NDUFA10: variants seen among roughly 807,000 people sequenced by gnomAD.
The protein encoded by NDUFA10 is NADH dehydrogenase [ubiquinone] 1 alpha subcomplex subunit 10, mitochondrial.
Under a neutral mutation model 47.8 loss-of-function variants are expected in NDUFA10, and 40 were observed. The observed-to-expected ratio is 0.84, with a 90% CI of 0.65 to 1.09. The LOEUF (loss-of-function observed/expected upper bound fraction) is 1.09. Ranked by LOEUF, NDUFA10 falls within the 50% of genes least tolerant of loss-of-function variation. The probability of loss-of-function intolerance (pLI) is 0.00; values close to 1 mark genes in which losing one functional copy is unlikely to be tolerated. For missense variants in NDUFA10, 413 were observed against 451.1 expected (o/e 0.92, Z 0.76); for synonymous variants, 183 against 172.2 (o/e 1.06, Z -0.49).
chr2:239,974,209 G>T (rs1695418259), intron 9 of NDUFA10, among the ~76,000 whole-genome samples: 1 of 152,144 alleles, frequency 6.6e-6, no homozygotes, highest in South Asian at 2.1e-4. Context: ...GATTACAGGC[G>T]TGAGCCACTG....
In NDUFA10 at chr2:239,925,953, A is replaced by G. The variant is rs34660105; in HGVS notation, c.295-30639T>C. On this transcript the variant is annotated intron_variant, in intron 4 of 5. Transcript: ENST00000419408. Reference sequence around the variant, plus strand: ...GAAGACCACAATGAAATATCACTATACATCTTTCAGAGCAACTAAAATTAA... The same window carrying G: ...GAAGACCACAATGAAATATCACTATGCATCTTTCAGAGCAACTAAAATTAA... Among the ~76,000 whole-genome samples, 1,355 of 152,366 alleles carry G rather than the reference A, an allele frequency of 8.9e-3. 6 individuals carry two copies. Among genetic ancestry groups the G allele is most frequent in the Middle Eastern group, 0.027 (8 of 294 alleles).
intron 9 of NDUFA10, among the ~76,000 whole-genome samples, chr2:239,964,928 C>T (rs557737808): frequency 5.9e-5 from 9 of 152,186 alleles, no homozygotes; most frequent in Admixed American, 1.3e-4. Context: ...CAAACCCACA[C>T]GACGGCCAGC....
intron 4 of NDUFA10, among the ~76,000 whole-genome samples, chr2:239,916,586 C>A (rs1356939113): frequency 1.3e-5 from 2 of 152,266 alleles, no homozygotes; most frequent in Non-Finnish European, 2.9e-5. Context: ...TAACAAAATA[C>A]CAACGCTGCA....
At chr2:239,997,420 AT>A (rs1307180940) in intron 8 of NDUFA10, among the ~76,000 whole-genome samples, 3 of 152,238 alleles carry the variant, frequency 2.0e-5, no homozygotes, top group African/African-American at 7.2e-5. Context: ...AGTAAAACAA[AT>A]ACTTGTATGG....
chr2:239,930,077 CT>C (rs1694137931), intron 4 of NDUFA10, among the ~76,000 whole-genome samples: 1 of 104,186 alleles, frequency 9.6e-6, no homozygotes, highest in Non-Finnish European at 1.9e-5. Context: ...TCCACCGCCC[CT>C]GCTCCTCAGC....
chr2:239,942,085 G>A (rs1371718327), intron 4 of NDUFA10, among the ~76,000 whole-genome samples: 1 of 152,184 alleles, frequency 6.6e-6, no homozygotes, highest in Non-Finnish European at 1.5e-5. Context: ...GAATCACTTT[G>A]GTCTGAACAC....
At chr2:240,021,536 T>C in intron 2 of NDUFA10, 124 bp from the exon 3 acceptor site, 1 of 831,292 alleles carries the variant, frequency 1.2e-6, no homozygotes, top group Non-Finnish European at 2.0e-6. Flanking sequence ...GCCAATGACC[T>C]AGAGAAAGTC....
chr2:239,966,018 A>G (rs773954653), intron 9 of NDUFA10, among the ~76,000 whole-genome samples: 6 of 152,094 alleles, frequency 3.9e-5, no homozygotes, highest in Non-Finnish European at 7.4e-5. Flanking sequence ...TACTGAAGGG[A>G]AAAAAAACCT....
At chr2:239,935,274 A>C (rs568963582) in intron 4 of NDUFA10, among the ~76,000 whole-genome samples, 1 of 152,302 alleles carries the variant, frequency 6.6e-6, no homozygotes, top group Admixed American at 6.5e-5. Context: ...GAGCCAACCC[A>C]AAGGCCACTC....
intron 4 of NDUFA10, among the ~76,000 whole-genome samples, chr2:239,935,104 T>A (rs76401494): frequency 3.3e-5 from 5 of 152,206 alleles, no homozygotes; most frequent in Non-Finnish European, 7.3e-5. Context: ...GCACCTGCCA[T>A]GTCCTTCCTG....
At chr2:240,006,356 C>T (rs367646441) in intron 7 of NDUFA10, among the ~76,000 whole-genome samples, 5 of 152,124 alleles carry the variant, frequency 3.3e-5, no homozygotes, top group Non-Finnish European at 2.9e-5. Context: ...AGAGCCTGGG[C>T]GAGAATGCAG....
chr2:240,012,008 C>T (rs573346370), intron 5 of NDUFA10: 63 of 377,104 alleles, frequency 1.7e-4, no homozygotes, highest in East Asian at 1.1e-3. Context: ...CTGTCTGCCT[C>T]GTGCCTGAGT....
intron 4 of NDUFA10, among the ~76,000 whole-genome samples, chr2:239,921,129 G>A (rs1250800289): frequency 6.6e-6 from 1 of 152,100 alleles, no homozygotes; most frequent in African/African-American, 2.4e-5. Flanking sequence ...TCGAACCTAA[G>A]GAAACTTTAG....
chr2:239,958,912 G>A lies in NDUFA10; in HGVS notation c.*2206C>T. 2.0e-6 allele frequency: 2 copies of A among 982,656 alleles called. No individual in the cohort carries two copies. The highest frequency in any genetic ancestry group is 2.4e-6 in the Non-Finnish European group (2 of 827,374). The allele number at this position is 982,656 out of a possible 1,614,324, so 60.9% of individuals were successfully genotyped here. Reference sequence around the variant, plus strand: ...AGTCCAACATGGAATCCTGGAAAATGCACGATTATTTTGATCCTGGTTTGT... The same window carrying A: ...AGTCCAACATGGAATCCTGGAAAATACACGATTATTTTGATCCTGGTTTGT... On this transcript the variant is annotated 3_prime_UTR_variant, in exon 10 of 10. Transcript: ENST00000252711.
chr2:239,983,455 T>C, intron 9 of NDUFA10: 2 of 1,521,302 alleles, frequency 1.3e-6, no homozygotes, highest in East Asian at 2.5e-5. Context: ...CTGATCATTT[T>C]TTAATATCAA....
Position 239,993,510 on chromosome 2 carries a change from C to T in NDUFA10, c.891-3328G>A, listed in dbSNP as rs184127985. Among the ~76,000 whole-genome samples the T allele has an allele frequency of 9.7e-4, 147 of 152,228 alleles. 2 individuals carry two copies. The highest frequency in any genetic ancestry group is 3.9e-4 in the Admixed American group (6 of 15,298). ...GATTGCCTGGTATCCTGGTAGAAGA[C>T]GCAGAACCAGGGCAGACTGGGATTC... On this transcript the variant is annotated intron_variant, in intron 8 of 9. Coordinates refer to ENST00000252711, the MANE Select transcript of NDUFA10 (RefSeq NM_004544.4).
intron 4 of NDUFA10, among the ~76,000 whole-genome samples, chr2:239,930,099 T>C (rs1405831773): frequency 1.4e-5 from 1 of 73,874 alleles, no homozygotes; most frequent in African/African-American, 6.0e-5. Flanking sequence ...CAGTCCTGCT[T>C]CTCAACTGCC....
chr2:240,006,378 G>C (rs1367916985), intron 7 of NDUFA10, among the ~76,000 whole-genome samples: 1 of 152,172 alleles, frequency 6.6e-6, no homozygotes, highest in African/African-American at 2.4e-5. Flanking sequence ...GCTTCCCTCT[G>C]CAAGGAGAAT....
chr2:240,019,492 G>C (rs1414321160), intron 3 of NDUFA10, among the ~76,000 whole-genome samples: 1 of 152,126 alleles, frequency 6.6e-6, no homozygotes, highest in Non-Finnish European at 1.5e-5. Context: ...TAAGAAATGA[G>C]TAGTCAGAAG....
Sources: allele counts gnomAD v4.1 joint callset (sites outside exome capture counted in the v4.1 genomes callset), GRCh38; gene constraint gnomAD v4.1.1; transcripts MANE v1.5; gene names NCBI Gene and HGNC (gene_info 2026-07-23, HGNC 2026-07-21).